Variants in MAF observed in about 807,000 individuals in gnomAD.
MAF encodes the protein MAF bZIP transcription factor, also known as transcription factor Maf.
Under a neutral mutation model 22.0 loss-of-function variants are expected in MAF, and 10 were observed. That is an observed-to-expected ratio of 0.45 (90% CI 0.28 to 0.77). The LOEUF is 0.77. Ranked by LOEUF, MAF falls within the 30% of genes least tolerant of loss-of-function variation. The pLI is 0.12. For missense variants in MAF, 544 were observed against 548.4 expected (o/e 0.99, Z 0.08); for synonymous variants, 337 against 255.8 (o/e 1.32, Z -3.03).
At chr16:79,460,556 C>A in the MAF span, among the ~76,000 whole-genome samples, 2 of 152,036 alleles carry the variant, frequency 1.3e-5, no homozygotes, top group African/African-American at 4.8e-5. Context: ...GCCTCTCTCC[C>A]TATCAATTAG....
chr16:79,473,317 C>A, the MAF span, among the ~76,000 whole-genome samples: 1 of 152,104 alleles, frequency 6.6e-6, no homozygotes, highest in African/African-American at 2.4e-5. Context: ...ACGGTGGCAA[C>A]CCAGGCATTT....
the MAF span, among the ~76,000 whole-genome samples, chr16:79,222,208 C>T: frequency 6.6e-6 from 1 of 152,158 alleles, no homozygotes; most frequent in Non-Finnish European, 1.5e-5. Flanking sequence ...AAAGAATTTT[C>T]AACCCAGGAT....
the MAF span, among the ~76,000 whole-genome samples, chr16:79,428,181 G>A: frequency 6.7e-6 from 1 of 149,324 alleles, no homozygotes. Flanking sequence ...AGCTCTAAGT[G>A]AAATAGATGG....
the MAF span, among the ~76,000 whole-genome samples, chr16:79,519,439 C>G: frequency 1.3e-5 from 2 of 152,226 alleles, no homozygotes; most frequent in Non-Finnish European, 2.9e-5. Context: ...CGGGGAGTCT[C>G]TAACCCAGAA....
chr16:79,214,634 T>C, the MAF span, among the ~76,000 whole-genome samples: 1 of 150,194 alleles, frequency 6.7e-6, no homozygotes, highest in Non-Finnish European at 1.5e-5. Flanking sequence ...CTTGAACTCC[T>C]GACCTTGTGA....
At chr16:79,483,363 G>C in the MAF span, among the ~76,000 whole-genome samples, 1 of 147,870 alleles carries the variant, frequency 6.8e-6, no homozygotes. Flanking sequence ...AGAAGGGACA[G>C]GACAGAATAG....
chr16:79,330,795 T>G, the MAF span, among the ~76,000 whole-genome samples: 1 of 152,232 alleles, frequency 6.6e-6, no homozygotes, highest in Non-Finnish European at 1.5e-5. Context: ...AAGTCAGGAA[T>G]GTGTGGCTTG....
At chr16:79,341,320 T>C in the MAF span, among the ~76,000 whole-genome samples, 1 of 152,196 alleles carries the variant, frequency 6.6e-6, no homozygotes, top group Non-Finnish European at 1.5e-5. Context: ...TATAGCGCTA[T>C]GGTGAGAATT....
the MAF span, among the ~76,000 whole-genome samples, chr16:79,521,466 C>T: frequency 9.2e-5 from 14 of 152,336 alleles, no homozygotes; most frequent in South Asian, 1.2e-3. Context: ...ATCCTCAGGA[C>T]GCATTTCGTA....
At chr16:79,456,935 TACACAC>T in the MAF span, among the ~76,000 whole-genome samples, 2 of 150,040 alleles carry the variant, frequency 1.3e-5, no homozygotes, top group African/African-American at 4.9e-5. Context: ...GCCATGTTTT[TACACAC>T]ACACACACAC....
the MAF span, among the ~76,000 whole-genome samples, chr16:79,474,924 G>C: frequency 2.0e-5 from 3 of 152,166 alleles, no homozygotes; most frequent in Non-Finnish European, 2.9e-5. Flanking sequence ...ACACATCCTA[G>C]CAACTAGAAA....
At chr16:79,239,654 C>T in the MAF span, among the ~76,000 whole-genome samples, 1 of 152,022 alleles carries the variant, frequency 6.6e-6, no homozygotes, top group East Asian at 1.9e-4. Context: ...TGTCTCACAG[C>T]TGGGAATCAC....
At chr16:79,253,295 C>T in the MAF span, among the ~76,000 whole-genome samples, 3 of 152,314 alleles carry the variant, frequency 2.0e-5, no homozygotes, top group East Asian at 1.9e-4. Flanking sequence ...CTCCACCCCA[C>T]CATCATTGCC....
At chr16:79,452,516 G>C in the MAF span, among the ~76,000 whole-genome samples, 2 of 152,006 alleles carry the variant, frequency 1.3e-5, no homozygotes, top group Admixed American at 1.3e-4. Context: ...TTTTAAAAAA[G>C]AGTTTGCAAA....
chr16:79,322,449 T>C, the MAF span, among the ~76,000 whole-genome samples: 3 of 152,068 alleles, frequency 2.0e-5, no homozygotes, highest in East Asian at 5.8e-4. Flanking sequence ...AACAGTAAGT[T>C]TGCTGCGTAA....
the MAF span, among the ~76,000 whole-genome samples, chr16:79,555,101 G>T: frequency 4.6e-5 from 7 of 152,260 alleles, no homozygotes; most frequent in Admixed American, 4.6e-4. Flanking sequence ...CTGACCTAAG[G>T]CTCTGTCTGG....
chr16:79,306,469 A>G, the MAF span, among the ~76,000 whole-genome samples: 1 of 152,180 alleles, frequency 6.6e-6, no homozygotes, highest in African/African-American at 2.4e-5. Flanking sequence ...CCCACGGAGC[A>G]TTGCTTGGCC....
At chr16:79,265,185 T>C in the MAF span, among the ~76,000 whole-genome samples, 29 of 152,316 alleles carry the variant, frequency 1.9e-4, 1 homozygote, top group African/African-American at 6.7e-4. Flanking sequence ...TTAATTTCAT[T>C]GGTCAGTTGA....
At chr16:79,540,871 T>C in the MAF span, among the ~76,000 whole-genome samples, 7 of 151,920 alleles carry the variant, frequency 4.6e-5, no homozygotes, top group Non-Finnish European at 8.8e-5. Context: ...CAGTGCACAA[T>C]CTAGGTTAAT....
Sources: allele counts gnomAD v4.1 joint callset (sites outside exome capture counted in the v4.1 genomes callset), GRCh38; gene constraint gnomAD v4.1.1; transcripts MANE v1.5; gene names NCBI Gene and HGNC (gene_info 2026-07-23, HGNC 2026-07-21).